The following COL26A1 variants were observed in gnomAD, a reference collection of about 807,000 sequenced individuals.
COL26A1 encodes the protein collagen alpha-1(XXVI) chain.
In COL26A1, 41 loss-of-function variants were observed where a neutral mutation model predicts 59.3. The observed-to-expected ratio is 0.69, with a 90% CI of 0.54 to 0.90. COL26A1 has a LOEUF of 0.90. Among genes scored for constraint, COL26A1 ranks in the 40% least tolerant of loss-of-function variants. COL26A1 has a pLI of 0.00. For missense variants in COL26A1, 612 were observed against 602.3 expected (o/e 1.02, Z -0.17); for synonymous variants, 266 against 256.0 (o/e 1.04, Z -0.37).
chr7:101,408,917 A>G (rs1792185455), intron 1 of COL26A1, among the ~76,000 whole-genome samples: 1 of 152,222 alleles, frequency 6.6e-6, no homozygotes, highest in Non-Finnish European at 1.5e-5. Flanking sequence ...TCCTAGAGGC[A>G]TGGCCTCAAG....
At chr7:101,521,331 A>G (rs1215855503) in intron 3 of COL26A1, among the ~76,000 whole-genome samples, 2 of 152,202 alleles carry the variant, frequency 1.3e-5, no homozygotes, top group Non-Finnish European at 2.9e-5. Context: ...TATCTCAGGT[A>G]TTTGGTTCTC....
intron 1 of COL26A1, among the ~76,000 whole-genome samples, chr7:101,407,168 C>T (rs1463252468): frequency 1.3e-5 from 2 of 152,108 alleles, no homozygotes; most frequent in Non-Finnish European, 2.9e-5. Flanking sequence ...CAGCGGGTAC[C>T]TCCTTATCCT....
chr7:101,389,081 C>A, intron 1 of COL26A1: 1 of 198,014 alleles, frequency 5.1e-6, no homozygotes, highest in South Asian at 9.1e-5. Flanking sequence ...CAGGTTTCCT[C>A]AGTATCCGTC....
chr7:101,443,777 G>A (rs188295153), intron 2 of COL26A1, among the ~76,000 whole-genome samples: 2 of 152,016 alleles, frequency 1.3e-5, no homozygotes, highest in Non-Finnish European at 1.5e-5. Flanking sequence ...GAAACTTTAC[G>A]ATGGGATTCA....
intron 3 of COL26A1, among the ~76,000 whole-genome samples, chr7:101,517,749 G>C (rs1448195956): frequency 6.7e-6 from 1 of 150,004 alleles, no homozygotes; most frequent in Non-Finnish European, 1.5e-5. Context: ...GGGTTGGGGT[G>C]CTCCAGGGCT....
chr7:101,547,286 G>C (rs1330919368), intron 8 of COL26A1, 47 bp downstream of exon 8: 1 of 1,393,624 alleles, frequency 7.2e-7, no homozygotes, highest in Non-Finnish European at 9.9e-7. Flanking sequence ...CATCCCCCCA[G>C]GGCTGGCCTG....
At chr7:101,521,277 G>A (rs905309120) in intron 3 of COL26A1, among the ~76,000 whole-genome samples, 2 of 152,134 alleles carry the variant, frequency 1.3e-5, no homozygotes, top group Non-Finnish European at 2.9e-5. Context: ...ATTACAATTC[G>A]AGATGAGATT....
At position 101,385,367 on chromosome 7, in the gene COL26A1, G is replaced by A. The variant is rs958472042; in HGVS notation, c.158+22177G>A. Reference sequence around the variant, plus strand: ...TATATATATGTGTATATATATGTGTGTATATATATATATATATATTTGTGA... The same window carrying A: ...TATATATATGTGTATATATATGTGTATATATATATATATATATATTTGTGA... On this transcript the variant is annotated intron_variant, in intron 1 of 12. Coordinates refer to ENST00000313669, the MANE Select transcript of COL26A1 (RefSeq NM_001278563.3). Among the ~76,000 whole-genome samples the A allele has an allele frequency of 9.2e-4, 126 of 137,028 alleles. 5 individuals carry two copies. Among genetic ancestry groups the A allele is most frequent in the Non-Finnish European group, 4.9e-4 (30 of 61,250 alleles). The allele number at this position is 137,028 out of a possible 152,430, so 89.9% of individuals were successfully genotyped here. A position where few individuals can be genotyped will look rare whatever the true frequency, so the allele number is the denominator to read the frequency against.
chr7:101,532,175 C>G (rs1169247014), intron 3 of COL26A1, among the ~76,000 whole-genome samples: 1 of 152,126 alleles, frequency 6.6e-6, no homozygotes, highest in African/African-American at 2.4e-5. Flanking sequence ...GTAATTACAG[C>G]CCAGAGAGAT....
At chr7:101,524,138 G>A (rs944041692) in intron 3 of COL26A1, among the ~76,000 whole-genome samples, 2 of 151,962 alleles carry the variant, frequency 1.3e-5, no homozygotes, top group African/African-American at 2.4e-5. Flanking sequence ...GGGCATGGTG[G>A]TGGGTGGCTG....
rs1290246219 is a variant in COL26A1 at position 101,557,556 on chromosome 7, T to C, written c.*26T>C. The stretch of plus-strand genomic sequence containing the variant: ...GAGCCCACTGCTCCAGGACACCCTG[T>C]CCTGGCTAGAGACCCAGCCCCAGAG... On this transcript the variant is annotated 3_prime_UTR_variant, in exon 13 of 13. Transcript: ENST00000313669. The C allele has an allele frequency of 1.8e-5, 29 of 1,583,074 alleles. No homozygotes were observed. The highest frequency in any genetic ancestry group is 2.5e-5 in the Non-Finnish European group (29 of 1,160,974).
chr7:101,419,907 C>A (rs890824216), intron 1 of COL26A1, 70 bp from the exon 2 acceptor site: 2 of 1,561,974 alleles, frequency 1.3e-6, no homozygotes. Flanking sequence ...CTGTCCAGCA[C>A]GGCCCCCTGA....
At chr7:101,515,291 T>A (rs936308396) in intron 3 of COL26A1, among the ~76,000 whole-genome samples, 6 of 152,140 alleles carry the variant, frequency 3.9e-5, no homozygotes, top group East Asian at 1.9e-4. Flanking sequence ...ATATTTATTT[T>A]TTTTTTGAGA....
At chr7:101,548,734 TGA>T (rs1237478880) in intron 8 of COL26A1, among the ~76,000 whole-genome samples, 2 of 152,024 alleles carry the variant, frequency 1.3e-5, no homozygotes, top group African/African-American at 4.8e-5. Flanking sequence ...CTTGGATTTT[TGA>T]GAGTGTACTC....
intron 3 of COL26A1, among the ~76,000 whole-genome samples, chr7:101,493,757 T>TA (rs57268952): frequency 0.31 from 21,167 of 69,122 alleles, 3,861 homozygotes; most frequent in African/African-American, 0.36. Flanking sequence ...CCATCTCTAC[T>TA]AAAAAAAAAA....
intron 2 of COL26A1, among the ~76,000 whole-genome samples, chr7:101,442,839 TTGTG>T (rs1276078546): frequency 1.5e-4 from 23 of 152,170 alleles, no homozygotes; most frequent in African/African-American, 4.1e-4. Context: ...GAGCACGTGT[TTGTG>T]TGAGTGCGTG....
intron 3 of COL26A1, among the ~76,000 whole-genome samples, chr7:101,525,743 A>C (rs11760789): frequency 6.7e-5 from 10 of 149,328 alleles, no homozygotes; most frequent in African/African-American, 2.0e-4. Context: ...TGATCCGCCC[A>C]CCTTGGCCTC....
intron 1 of COL26A1, among the ~76,000 whole-genome samples, chr7:101,410,859 A>C (rs1464208899): frequency 6.6e-6 from 1 of 152,108 alleles, no homozygotes; most frequent in Non-Finnish European, 1.5e-5. Context: ...CACCACACCC[A>C]GCTAATTTTT....
intron 3 of COL26A1, among the ~76,000 whole-genome samples, chr7:101,532,458 C>T (rs1795390051): frequency 6.6e-6 from 1 of 152,166 alleles, no homozygotes; most frequent in African/African-American, 2.4e-5. Context: ...TTCTCACTCC[C>T]CTCCCAGCCT....
Sources: allele counts gnomAD v4.1 joint callset (sites outside exome capture counted in the v4.1 genomes callset), GRCh38; gene constraint gnomAD v4.1.1; transcripts MANE v1.5; gene names NCBI Gene and HGNC (gene_info 2026-07-23, HGNC 2026-07-21).